The following INPP4A variants were observed in gnomAD, a reference collection of about 807,000 sequenced individuals.
The protein encoded by INPP4A is inositol polyphosphate-4-phosphatase, type I, 107kD.
A neutral mutation model predicts 119.8 loss-of-function variants in INPP4A; 33 were observed. That is an observed-to-expected ratio of 0.28 (90% CI 0.21 to 0.37). INPP4A has a LOEUF of 0.37. Ranked by LOEUF, INPP4A falls within the 10% of genes least tolerant of loss-of-function variation. INPP4A has a pLI of 1.00. For missense variants in INPP4A, 956 were observed against 1,289.9 expected (o/e 0.74, Z 3.97); for synonymous variants, 496 against 500.7 (o/e 0.99, Z 0.12).
At chr2:98,460,819 G>A (rs575803273) in intron 1 of INPP4A, among the ~76,000 whole-genome samples, 1 of 152,300 alleles carries the variant, frequency 6.6e-6, no homozygotes, top group Non-Finnish European at 1.5e-5. Flanking sequence ...GCTGTTATCT[G>A]TGAAATGACA....
chr2:98,519,357 T>G (rs1686740066), intron 2 of INPP4A: 1 of 152,252 alleles, frequency 6.6e-6, no homozygotes, highest in African/African-American at 2.4e-5. Context: ...CCCAGAGCCC[T>G]CCCTTTCCAT....
intron 1 of INPP4A, among the ~76,000 whole-genome samples, chr2:98,446,013 G>A (rs914520138): frequency 6.6e-6 from 1 of 152,244 alleles, no homozygotes; most frequent in Non-Finnish European, 1.5e-5. Context: ...GTGTTGCAGA[G>A]AAATTCTGAC....
chr2:98,522,561 G>T (rs906380659), intron 4 of INPP4A, among the ~76,000 whole-genome samples: 3 of 152,132 alleles, frequency 2.0e-5, no homozygotes, highest in African/African-American at 7.2e-5. Flanking sequence ...AATCCAGAAG[G>T]TCCGATATTT....
intron 13 of INPP4A, among the ~76,000 whole-genome samples, chr2:98,547,699 T>A (rs896792639): frequency 6.6e-6 from 1 of 151,858 alleles, no homozygotes; most frequent in Admixed American, 6.6e-5. Flanking sequence ...GTAAGGTGAA[T>A]GAGAGGAAAA....
At chr2:98,460,053 G>C (rs904751727) in intron 1 of INPP4A, among the ~76,000 whole-genome samples, 1 of 141,550 alleles carries the variant, frequency 7.1e-6, no homozygotes, top group Non-Finnish European at 1.6e-5. Context: ...ACCTAGGTCT[G>C]CTTCCACTTC....
rs76836271 is a variant in INPP4A, at chr2:98,528,322, G to A, written c.152-5055G>A. 3.8e-3 allele frequency among the ~76,000 whole-genome samples: 582 copies of A among 151,610 alleles called. 1 individual carries two copies. Among genetic ancestry groups the A allele is most frequent in the African/African-American group, 0.01 (429 of 40,926 alleles). The stretch of plus-strand genomic sequence containing the variant: ...GGCAGAAGAAAGAATCAGCAAACTT[G>A]AAGACAGGTCAATTGAGATTATCCA... On this transcript the variant is annotated intron_variant, in intron 4 of 24. Transcript: ENST00000409851.
intron 1 of INPP4A, among the ~76,000 whole-genome samples, chr2:98,496,076 A>G (rs1309832067): frequency 1.3e-5 from 2 of 152,184 alleles, no homozygotes; most frequent in East Asian, 3.8e-4. Flanking sequence ...TCTCTGTTTT[A>G]TCAGTCTTAA....
intron 16 of INPP4A, among the ~76,000 whole-genome samples, chr2:98,558,773 C>T (rs769960941): frequency 3.9e-5 from 6 of 152,092 alleles, no homozygotes; most frequent in Non-Finnish European, 7.4e-5. Context: ...AAGGGAAATA[C>T]GAAATTGAAG....
At chr2:98,542,627 C>G (rs1359130485) in intron 10 of INPP4A, among the ~76,000 whole-genome samples, 2 of 152,178 alleles carry the variant, frequency 1.3e-5, no homozygotes, top group Non-Finnish European at 2.9e-5. Context: ...TTTATACCTT[C>G]CCAGTCCCCA....
intron 1 of INPP4A, among the ~76,000 whole-genome samples, chr2:98,493,941 A>G (rs920875860): frequency 3.9e-5 from 6 of 152,228 alleles, no homozygotes; most frequent in African/African-American, 1.4e-4. Context: ...AACTGATAAA[A>G]ATTATTTTAA....
At chr2:98,583,769 A>T (rs1699648318) in intron 24 of INPP4A, among the ~76,000 whole-genome samples, 1 of 152,210 alleles carries the variant, frequency 6.6e-6, no homozygotes. Flanking sequence ...TCTCTTCATT[A>T]TCTCTCCAGG....
chr2:98,466,489 T>C (rs1674813321), intron 1 of INPP4A, among the ~76,000 whole-genome samples: 1 of 152,282 alleles, frequency 6.6e-6, no homozygotes, highest in African/African-American at 2.4e-5. Context: ...GTTGCTGTGC[T>C]GTGCCTCAGC....
At chr2:98,503,652 A>C (rs1344883753) in intron 1 of INPP4A, among the ~76,000 whole-genome samples, 1 of 152,220 alleles carries the variant, frequency 6.6e-6, no homozygotes. Flanking sequence ...TTGTGTGTTC[A>C]CTGTAAGTGC....
chr2:98,484,707 A>G (rs907115874), intron 1 of INPP4A, among the ~76,000 whole-genome samples: 1 of 152,162 alleles, frequency 6.6e-6, no homozygotes, highest in Admixed American at 6.5e-5. Context: ...ACATTTTTAT[A>G]CGTGTTCTTT....
intron 1 of INPP4A, among the ~76,000 whole-genome samples, chr2:98,451,628 A>G (rs1017977417): frequency 1.3e-5 from 2 of 151,990 alleles, no homozygotes; most frequent in East Asian, 1.9e-4. Context: ...TGCCCCTCCC[A>G]TAGCCCTCAC....
chr2:98,573,266 T>C (rs1697803994), intron 23 of INPP4A, among the ~76,000 whole-genome samples: 1 of 152,248 alleles, frequency 6.6e-6, no homozygotes, highest in Non-Finnish European at 1.5e-5. Context: ...AAGGAGGCCA[T>C]GTGACCTTTC....
intron 16 of INPP4A, 102 bp from the exon 17 acceptor site, chr2:98,559,361 T>C: frequency 7.5e-7 from 1 of 1,331,192 alleles, no homozygotes; most frequent in Non-Finnish European, 1.1e-6. Context: ...TTAGCCGCCT[T>C]ACTGCAAGCT....
intron 1 of INPP4A, among the ~76,000 whole-genome samples, chr2:98,475,273 T>C (rs1240928982): frequency 1.3e-5 from 2 of 152,036 alleles, no homozygotes; most frequent in African/African-American, 4.8e-5. Context: ...AGGAGATCCA[T>C]CCTGGGTGCA....
At chr2:98,572,761 C>T (rs1213913102) in intron 22 of INPP4A, 54 bp from the exon 23 acceptor site, 13 of 1,307,220 alleles carry the variant, frequency 9.9e-6, no homozygotes, top group East Asian at 2.5e-5. Context: ...CTCCCTCTGC[C>T]GGGGGAGTTC....
Sources: gnomAD v4.1 joint callset for allele counts (sites outside exome capture counted in the v4.1 genomes callset) on GRCh38, gnomAD v4.1.1 for gene constraint, MANE v1.5 for transcripts, NCBI Gene and HGNC (gene_info 2026-07-23, HGNC 2026-07-21) for gene names.